The following EML4 variants were observed in gnomAD, a reference collection of about 807,000 sequenced individuals.
The protein encoded by EML4 is EMAP like 4.
In EML4, 72 loss-of-function variants were observed where a neutral mutation model predicts 129.0. That is an observed-to-expected ratio of 0.56 (90% confidence interval 0.46 to 0.68). The LOEUF (loss-of-function observed/expected upper bound fraction) is 0.68, where lower values mean the gene tolerates loss of function less well. Ranked by LOEUF, EML4 falls within the 30% of genes least tolerant of loss-of-function variation. The probability of loss-of-function intolerance (pLI) is 0.00; values close to 1 mark genes in which losing one functional copy is unlikely to be tolerated. For missense variants in EML4, 1,363 were observed against 1,190.6 expected, an observed-to-expected ratio of 1.14 and a Z score of -2.13; for synonymous variants, 532 against 405.0, an observed-to-expected ratio of 1.31 and a Z score of -3.77.
chr2:42,288,439 A>G, intron 11 of EML4, 117 bp downstream of exon 11: 1 of 468,066 alleles, frequency 2.1e-6, no homozygotes, highest in East Asian at 3.4e-5. Flanking sequence ...CAGATCTACT[A>G]GCCAAATTCA....
rs1667083627 is a variant in EML4 at position 42,282,813 on chromosome 2, T to C, written c.792-10T>C. 2.5e-6 allele frequency: 4 copies of C among 1,606,584 alleles called. No homozygotes were observed. The highest frequency in any genetic ancestry group is 3.4e-6 in the Non-Finnish European group (4 of 1,177,248). On this transcript the variant is annotated splice_polypyrimidine_tract_variant and intron_variant, in intron 7 of 22. Transcript: ENST00000318522. ...TGTTTATTTAAAACCTTGACTCTTT[T>C]TCTGTTAAGATATGGTTATCGAGGA...
chr2:42,253,412 A>G (rs1164299663), intron 2 of EML4, among the ~76,000 whole-genome samples: 1 of 152,198 alleles, frequency 6.6e-6, no homozygotes, highest in African/African-American at 2.4e-5. Context: ...AGTGTCTTAC[A>G]GTTCTAATAG....
intron 1 of EML4, among the ~76,000 whole-genome samples, chr2:42,242,235 A>AT (rs1675085787): frequency 6.6e-6 from 1 of 152,198 alleles, no homozygotes; most frequent in Admixed American, 6.5e-5. Context: ...TCATATAAGC[A>AT]TTTTATCTGT....
intron 2 of EML4, among the ~76,000 whole-genome samples, 156 bp from the exon 3 acceptor site, chr2:42,256,345 C>A (rs991902559): frequency 7.2e-5 from 11 of 152,172 alleles, no homozygotes; most frequent in African/African-American, 2.4e-4. Context: ...TCATGTGCTG[C>A]ATACCATGGG....
chr2:42,309,494 G>A (rs186178235), intron 17 of EML4, among the ~76,000 whole-genome samples: 73 of 148,936 alleles, frequency 4.9e-4, no homozygotes, highest in African/African-American at 1.6e-3. Context: ...CACAGCAGCC[G>A]TATTGTCTTA....
In EML4 at chr2:42,255,920, A is replaced by C. The variant is rs1056152516; in HGVS notation, c.209-581A>C. 3.9e-5 allele frequency among the ~76,000 whole-genome samples: 6 copies of C among 152,172 alleles called. 1 individual carries two copies. The highest frequency in any genetic ancestry group is 8.8e-5 in the Non-Finnish European group (6 of 68,030). On this transcript the variant is annotated intron_variant, in intron 2 of 22. Transcript: ENST00000318522. ...AAAATAAAAATGTTCTCTATTCCCAAATCTTTACTTGACTCTTAGTATAGA... is the reference window on the plus strand; with the variant it reads ...AAAATAAAAATGTTCTCTATTCCCACATCTTTACTTGACTCTTAGTATAGA...
At chr2:42,177,550 G>A (rs554230844) in intron 1 of EML4, among the ~76,000 whole-genome samples, 2 of 152,156 alleles carry the variant, frequency 1.3e-5, no homozygotes, top group Non-Finnish European at 2.9e-5. Flanking sequence ...TGGAGCCTGG[G>A]AGGTGGAGGT....
chr2:42,201,684 GA>G (rs1428240505), intron 1 of EML4, among the ~76,000 whole-genome samples: 1 of 152,192 alleles, frequency 6.6e-6, no homozygotes, highest in African/African-American at 2.4e-5. Context: ...CAACATGGAT[GA>G]ACCTAGAAGA....
intron 1 of EML4, among the ~76,000 whole-genome samples, chr2:42,220,696 G>A (rs1243275379): frequency 1.3e-5 from 2 of 152,172 alleles, no homozygotes; most frequent in East Asian, 3.8e-4. Flanking sequence ...CTTAGATGAA[G>A]AAGGCATGTC....
intron 2 of EML4, among the ~76,000 whole-genome samples, chr2:42,252,083 G>T (rs1203102177): frequency 6.6e-6 from 1 of 152,162 alleles, no homozygotes. Context: ...ATAGATGCAA[G>T]AATAAGAAGA....
chr2:42,293,979 A>G lies in EML4; in HGVS notation c.1219-1146A>G, dbSNP rs1667805669. ...TTTGCTAAGTTAAAAAGTAGACATT[A>G]ATGATCACCCTGTAAATAAACACTA... On this transcript the variant is annotated intron_variant, in intron 11 of 22. Transcript: ENST00000318522. Among the ~76,000 whole-genome samples, 3 of 152,252 alleles carry G rather than the reference A, an allele frequency of 2.0e-5. No homozygotes were observed. In the South Asian group the frequency reaches 6.2e-4, roughly 31 times the overall value.
At chr2:42,306,216 C>T (rs971001467) in intron 17 of EML4, among the ~76,000 whole-genome samples, 7 of 152,046 alleles carry the variant, frequency 4.6e-5, no homozygotes, top group African/African-American at 1.4e-4. Flanking sequence ...CCATTTGGAC[C>T]GAGTTTGGTC....
intron 1 of EML4, among the ~76,000 whole-genome samples, chr2:42,211,906 G>T (rs1433275552): frequency 6.6e-6 from 1 of 151,820 alleles, no homozygotes; most frequent in South Asian, 2.1e-4. Flanking sequence ...GTGCAGTGGC[G>T]CAATTTTGGC....
At chr2:42,264,654 G>A (rs1021923050) in intron 5 of EML4, 52 bp from the exon 6 acceptor site, 19 of 1,020,692 alleles carry the variant, frequency 1.9e-5, no homozygotes, top group Non-Finnish European at 2.5e-5. Flanking sequence ...GATTTTAATG[G>A]TTAGCCATAT....
At chr2:42,294,878 A>G (rs1014591122) in intron 11 of EML4, among the ~76,000 whole-genome samples, 3 of 152,198 alleles carry the variant, frequency 2.0e-5, no homozygotes, top group Non-Finnish European at 4.4e-5. Flanking sequence ...AAAGGTATTC[A>G]TATAAGTGTC....
chr2:42,178,556 G>GGGC (rs1670750627), intron 1 of EML4, among the ~76,000 whole-genome samples: 1 of 152,084 alleles, frequency 6.6e-6, no homozygotes, highest in Non-Finnish European at 1.5e-5. Context: ...TCTCAAATAA[G>GGGC]AAAGAGGATT....
chr2:42,308,478 C>T (rs979867973), intron 17 of EML4, among the ~76,000 whole-genome samples: 4 of 152,172 alleles, frequency 2.6e-5, no homozygotes, highest in African/African-American at 7.2e-5. Flanking sequence ...CCATTGCACA[C>T]CAGCCTGGGC....
At chr2:42,268,501 G>A (rs901543019) in intron 6 of EML4, among the ~76,000 whole-genome samples, 5 of 152,050 alleles carry the variant, frequency 3.3e-5, no homozygotes, top group African/African-American at 9.7e-5. Flanking sequence ...TTCAGTGCAC[G>A]ATCATAACTC....
chr2:42,199,553 T>C (rs1672096522), intron 1 of EML4, among the ~76,000 whole-genome samples: 1 of 152,188 alleles, frequency 6.6e-6, no homozygotes. Flanking sequence ...TATCTCCCTG[T>C]TTTCTGTTGA....
Sources: allele counts gnomAD v4.1 joint callset (sites outside exome capture counted in the v4.1 genomes callset), GRCh38; gene constraint gnomAD v4.1.1; transcripts MANE v1.5; gene names NCBI Gene and HGNC (gene_info 2026-07-23, HGNC 2026-07-21).